Variants in SMAGP observed in about 807,000 individuals in gnomAD.
SMAGP encodes the protein small cell transmembrane and glycosylated protein.
In SMAGP, 7 loss-of-function variants were observed where a neutral mutation model predicts 10.1. The ratio of observed to expected loss-of-function variants is 0.70; its 90% CI spans 0.40 to 1.31. The LOEUF is 1.31. Ranked by LOEUF, SMAGP falls within the 50% of genes most tolerant of loss-of-function variation. The pLI is 0.01. For missense variants in SMAGP, 113 were observed against 116.5 expected (o/e 0.97, Z 0.14); for synonymous variants, 49 against 47.2 (o/e 1.04, Z -0.16).
At chr12:51,252,809 A>C (rs1299198765) in intron 2 of SMAGP, among the ~76,000 whole-genome samples, 9 of 151,262 alleles carry the variant, frequency 5.9e-5, no homozygotes. Context: ...AGGCCTTTTC[A>C]CCTCTGTTTC....
At chr12:51,269,735 G>A (rs1372780459) in intron 1 of SMAGP, 1 of 155,370 alleles carries the variant, frequency 6.4e-6, no homozygotes, top group Non-Finnish European at 1.4e-5. Context: ...GGCCGGGAAG[G>A]TCAGGACCCG....
chr12:51,255,325 C>T (rs761166746), intron 2 of SMAGP, among the ~76,000 whole-genome samples: 9 of 152,224 alleles, frequency 5.9e-5, no homozygotes, highest in Non-Finnish European at 1.2e-4. Flanking sequence ...GCATGTGCCA[C>T]TGTGCCTGGC....
chr12:51,268,570 C>CT (rs1565661803), intron 2 of SMAGP, among the ~76,000 whole-genome samples: 6 of 87,386 alleles, frequency 6.9e-5, no homozygotes, highest in Non-Finnish European at 1.0e-4. Context: ...TCCTTCCTTC[C>CT]TTCCTTCCTT....
intron 2 of SMAGP, among the ~76,000 whole-genome samples, chr12:51,257,035 T>C (rs1401941211): frequency 6.6e-6 from 1 of 151,544 alleles, no homozygotes; most frequent in Admixed American, 6.6e-5. Context: ...AAGGAAGAAA[T>C]GGAAGGAGAG....
chr12:51,262,059 G>A (rs1474681265), intron 2 of SMAGP, among the ~76,000 whole-genome samples: 1 of 151,762 alleles, frequency 6.6e-6, no homozygotes, highest in Non-Finnish European at 1.5e-5. Flanking sequence ...GCAACATAGC[G>A]AGACCCCTGT....
At chr12:51,262,598 T>C (rs1380587728) in intron 2 of SMAGP, among the ~76,000 whole-genome samples, 4 of 152,210 alleles carry the variant, frequency 2.6e-5, no homozygotes, top group East Asian at 1.9e-4. Flanking sequence ...CCCATTTTTT[T>C]GTCCAAACAA....
rs771080381 is a variant in SMAGP, at chr12:51,263,942, A to AATTAT, written c.34+5298_34+5302dup. 3.9e-5 allele frequency among the ~76,000 whole-genome samples: 6 copies of AATTAT among 152,006 alleles called. No individual in the cohort carries two copies. The East Asian group carries it at 7.7e-4, about 19-fold the overall frequency. On this transcript the variant is annotated intron_variant, in intron 2 of 3. Transcript: ENST00000603798. ...CATTCAATTACTAATTATAAATATTAATTATATTATATTATATTCTTCCTT... is the reference window on the plus strand; with the variant it reads ...CATTCAATTACTAATTATAAATATTAATTATATTATATTATATTATATTCTTCCTT...
At chr12:51,249,644 G>A (rs1944817000) in intron 2 of SMAGP, among the ~76,000 whole-genome samples, 1 of 151,856 alleles carries the variant, frequency 6.6e-6, no homozygotes, top group Non-Finnish European at 1.5e-5. Context: ...TTAAGATGGA[G>A]TCTTGCTCCA....
chr12:51,257,230 G>A (rs1224515392), intron 2 of SMAGP, among the ~76,000 whole-genome samples: 1 of 152,214 alleles, frequency 6.6e-6, no homozygotes, highest in Admixed American at 6.5e-5. Flanking sequence ...TGATGCACAA[G>A]AGTCCTTGAA....
At position 51,246,000 on chromosome 12, in the gene SMAGP, T is replaced by C. The variant is rs189016395; in HGVS notation, c.235A>G (p.Ile79Val). ...GCCAAGTCACTCTCCATCTGGACGATGGCACTGGGCTCACCTTCTGTAGGT... is the reference window on the plus strand; with the variant it reads ...GCCAAGTCACTCTCCATCTGGACGACGGCACTGGGCTCACCTTCTGTAGGT... Reference protein sequence around the residue: ...YEPTEGEPSAIVQMESDLAKG... With the variant: ...YEPTEGEPSAVVQMESDLAKG... The change falls in exon 4 of 4, where the codon ATC becomes GTC. Residue 79 changes from isoleucine (I) to valine (V), a missense_variant. Ile to Val is a conservative substitution (Grantham distance 29). Transcript: ENST00000603798. 1.0e-4 allele frequency: 162 copies of C among 1,613,968 alleles called. No individual in the cohort carries two copies. The East Asian group carries it at 3.4e-3, about 34-fold the overall frequency.
rs117208786 is a variant in SMAGP, at chr12:51,247,755, C to G, written c.35-924G>C. On this transcript the variant is annotated intron_variant, in intron 2 of 3. Coordinates refer to ENST00000603798, the MANE Select transcript of SMAGP (RefSeq NM_001031628.2). Reference sequence around the variant, plus strand: ...GGCATCCCATAAACAGCAACACTCACCCACTGCCTCCTCTTTGCTAGGCCC... The same window carrying G: ...GGCATCCCATAAACAGCAACACTCAGCCACTGCCTCCTCTTTGCTAGGCCC... Among the ~76,000 whole-genome samples, 1,685 of 152,308 alleles carry G rather than the reference C, an allele frequency of 0.011. 57 individuals are homozygous for G. In the East Asian group the frequency reaches 0.11, roughly 10 times the overall value.
chr12:51,256,962 C>T (rs1425833838), intron 2 of SMAGP, among the ~76,000 whole-genome samples: 1 of 151,966 alleles, frequency 6.6e-6, no homozygotes, highest in Non-Finnish European at 1.5e-5. Context: ...AGATCATAAA[C>T]GACCTTTACA....
At chr12:51,252,839 T>TG (rs1315428770) in intron 2 of SMAGP, among the ~76,000 whole-genome samples, 2 of 151,554 alleles carry the variant, frequency 1.3e-5, no homozygotes, top group East Asian at 3.9e-4. Context: ...AGAATCATTT[T>TG]TTTGCACTAA....
chr12:51,269,486 GCT>G (rs1436872057), intron 1 of SMAGP, 170 bp from the exon 2 acceptor site: 2 of 590,762 alleles, frequency 3.4e-6, no homozygotes, highest in Non-Finnish European at 6.0e-6. Flanking sequence ...GGTACCAACA[GCT>G]CTCCACAGGA....
At position 51,250,512 on chromosome 12, in the gene SMAGP, T is replaced by G. The variant is rs11169783; in HGVS notation, c.35-3681A>C. Among the ~76,000 whole-genome samples, 1,091 of 128,264 alleles carry G rather than the reference T, an allele frequency of 8.5e-3. 12 individuals carry two copies. Among genetic ancestry groups the G allele is most frequent in the African/African-American group, 0.032 (914 of 28,376 alleles). 84.1% of individuals were successfully genotyped at this position (128,264 alleles called of 152,430 possible). ...TTGTTGTTGTTGTGTTTTTTTTTTG[T>G]TTTTTTTTTGTTGTTGTTGTTGAGA... On this transcript the variant is annotated intron_variant, in intron 2 of 3. Transcript: ENST00000603798.
chr12:51,247,152 T>A (rs1944784385), intron 2 of SMAGP, among the ~76,000 whole-genome samples: 1 of 152,188 alleles, frequency 6.6e-6, no homozygotes, highest in Admixed American at 6.5e-5. Flanking sequence ...CTAACCTCTA[T>A]CTGCAAAATG....
At chr12:51,254,120 G>C (rs1447120457) in intron 2 of SMAGP, among the ~76,000 whole-genome samples, 1 of 152,142 alleles carries the variant, frequency 6.6e-6, no homozygotes, top group Non-Finnish European at 1.5e-5. Context: ...ATAACAACAT[G>C]AATGTACTTA....
At position 51,251,323 on chromosome 12, in the gene SMAGP, G is replaced by A. The variant is rs138638917; in HGVS notation, c.35-4492C>T. On this transcript the variant is annotated intron_variant, in intron 2 of 3. Coordinates refer to ENST00000603798, the MANE Select transcript of SMAGP (RefSeq NM_001031628.2). ...AGGCTGGGTGCAGTGGCTCACGCCTGTAATTCCAGCACCTTGGGAGGCCAA... is the reference window on the plus strand; with the variant it reads ...AGGCTGGGTGCAGTGGCTCACGCCTATAATTCCAGCACCTTGGGAGGCCAA... The A allele has an allele frequency of 0.014, 2,074 of 150,870 alleles. 84 individuals carry two copies. The East Asian group carries it at 0.15, about 11-fold the overall frequency. 9.3% of individuals were successfully genotyped at this position (150,870 alleles called of 1,614,324 possible). A position where few individuals can be genotyped will look rare whatever the true frequency, so the allele number is the denominator to read the frequency against.
chr12:51,263,202 G>T (rs751684109), intron 2 of SMAGP, among the ~76,000 whole-genome samples: 1 of 152,028 alleles, frequency 6.6e-6, no homozygotes, highest in East Asian at 1.9e-4. Context: ...GGCCAACATG[G>T]TGAAACCCTG....
Sources: gnomAD v4.1 joint callset for allele counts (sites outside exome capture counted in the v4.1 genomes callset) on GRCh38, gnomAD v4.1.1 for gene constraint, MANE v1.5 for transcripts, NCBI Gene and HGNC (gene_info 2026-07-23, HGNC 2026-07-21) for gene names.